Variants in STARD4 observed in about 807,000 individuals in gnomAD.
STARD4 encodes the protein stAR-related lipid transfer protein 4.
In STARD4, 33 loss-of-function variants were observed where a neutral mutation model predicts 24.9. The ratio of observed to expected loss-of-function variants is 1.32; its 90% CI spans 1.00 to 1.77. The LOEUF is 1.77. Ranked by LOEUF, STARD4 falls within the 40% of genes most tolerant of loss-of-function variation. The pLI, the probability that STARD4 is intolerant of heterozygous loss-of-function variation, is 0.00. For synonymous variants in STARD4, 88 were observed against 77.4 expected, an observed-to-expected ratio of 1.14 and a Z score of -0.72; for missense variants, 238 against 249.3, an observed-to-expected ratio of 0.95 and a Z score of 0.31.
At chr5:111,501,213 T>G (rs1280301071) in intron 4 of STARD4, 97 bp from the exon 5 acceptor site, 3 of 1,229,102 alleles carry the variant, frequency 2.4e-6, no homozygotes, top group Non-Finnish European at 3.3e-6. Context: ...TAATATTTAT[T>G]TAAAATGTTT....
At chr5:111,512,016 C>T (rs1324541379) in intron 1 of STARD4, among the ~76,000 whole-genome samples, 1 of 152,192 alleles carries the variant, frequency 6.6e-6, no homozygotes, top group Non-Finnish European at 1.5e-5. Flanking sequence ...CGGTGACCTC[C>T]AAAGAACAGG....
rs1756494479 is a variant in STARD4 at position 111,502,056 on chromosome 5, A to G, written c.188T>C (p.Val63Ala). The G allele has an allele frequency of 2.5e-6, 4 of 1,614,154 alleles. No homozygotes were observed. The highest frequency in any genetic ancestry group is 3.4e-6 in the Non-Finnish European group (4 of 1,180,006). Residue 63 changes from valine to alanine, a missense_variant, in exon 4 of 6, where the codon GTC (valine) becomes GCC (alanine). Val to Ala is a moderately conservative substitution (Grantham distance 64). Transcript: ENST00000296632. ...GCGTATATGGTCTATTATACTATAG[A>G]CAAGGTCATCTATAACACCTTGGGC... ...YKAQGVIDDLVYSIIDHIRPG... is the reference protein window; with the variant it reads ...YKAQGVIDDLAYSIIDHIRPG...
intron 1 of STARD4, among the ~76,000 whole-genome samples, chr5:111,510,321 A>G (rs1289169466): frequency 6.6e-6 from 1 of 152,200 alleles, no homozygotes; most frequent in Non-Finnish European, 1.5e-5. Context: ...CTCTCCTAAT[A>G]TAACAGGGTA....
At position 111,506,348 on chromosome 5, in the gene STARD4, T is replaced by G. The variant is rs1756861318; in HGVS notation, c.137A>C (p.Glu46Ala). Residue 46 changes from glutamate (E) to alanine (A), a missense_variant, in exon 3 of 6, where the codon GAA becomes GCA. By Grantham distance (107) the Glu-to-Ala change is moderately radical (BLOSUM62 -1). Coordinates refer to ENST00000296632, the MANE Select transcript of STARD4 (RefSeq NM_139164.3). Reference sequence around the variant, plus strand: ...TACTTACAGATATCCATTAAATTCTTCTGAGGGTTTTCTCCAAACAGTTAC... The same window carrying G: ...TACTTACAGATATCCATTAAATTCTGCTGAGGGTTTTCTCCAAACAGTTAC... ...KDVTVWRKPS[E>A]EFNGYLYKAQ... The G allele has an allele frequency of 6.6e-7, 1 of 1,505,892 alleles. No individual in the cohort carries two copies. Among genetic ancestry groups the G allele is most frequent in the African/African-American group, 1.4e-5 (1 of 71,786 alleles). 93.3% of individuals were successfully genotyped at this position (1,505,892 alleles called of 1,614,324 possible). A position where few individuals can be genotyped will look rare whatever the true frequency, so the allele number is the denominator to read the frequency against.
rs372075849 is a variant in STARD4 at position 111,497,123 on chromosome 5, C to A, written c.*2763G>T. 5.9e-5 allele frequency: 9 copies of A among 152,122 alleles called. No individual in the cohort carries two copies. The East Asian group carries it at 9.6e-4, about 16-fold the overall frequency. 9.4% of individuals were successfully genotyped at this position (152,122 alleles called of 1,614,324 possible). A position where few individuals can be genotyped will look rare whatever the true frequency, so the allele number is the denominator to read the frequency against. Reference sequence around the variant, plus strand: ...AAATATTTCCCACATACACAAGTTTCTAATACGTACTACCTACAAGCTACA... The same window carrying A: ...AAATATTTCCCACATACACAAGTTTATAATACGTACTACCTACAAGCTACA... On this transcript the variant is annotated 3_prime_UTR_variant, in exon 6 of 6. Transcript: ENST00000296632.
At chr5:111,501,499 T>C (rs968319130) in intron 4 of STARD4, among the ~76,000 whole-genome samples, 42 of 152,188 alleles carry the variant, frequency 2.8e-4, no homozygotes, top group African/African-American at 8.7e-4. Context: ...CATTAAGCAA[T>C]GAATTAATAA....
rs535692761 is a variant in STARD4 at position 111,499,506 on chromosome 5, C to A, written c.*380G>T. 5.4e-4 allele frequency: 92 copies of A among 168,944 alleles called. No homozygotes were observed. The highest frequency in any genetic ancestry group is 2.0e-3 in the African/African-American group (85 of 41,716). 10.5% of individuals were successfully genotyped at this position (168,944 alleles called of 1,614,324 possible). On this transcript the variant is annotated 3_prime_UTR_variant, in exon 6 of 6. Coordinates refer to ENST00000296632, the MANE Select transcript of STARD4 (RefSeq NM_139164.3). ...GACCAGCCTGGGCAACACAGTGTGA[C>A]CACATCTCTACAAAAAATTAAACAA...
At position 111,497,974 on chromosome 5, in the gene STARD4, C is replaced by T. The variant is rs1193800991; in HGVS notation, c.*1912G>A. 3 of 151,998 alleles carry T rather than the reference C, an allele frequency of 2.0e-5. No homozygotes were observed. The highest frequency in any genetic ancestry group is 2.4e-5 in the African/African-American group (1 of 41,398). 9.4% of individuals were successfully genotyped at this position (151,998 alleles called of 1,614,324 possible). A position where few individuals can be genotyped will look rare whatever the true frequency, so the allele number is the denominator to read the frequency against. ...AAGGAATCTTTTGGAATGATGGAAA[C>T]GTTCTAAATCCAGATTGTGCTGATG... On this transcript the variant is annotated 3_prime_UTR_variant, in exon 6 of 6. Coordinates refer to ENST00000296632, the MANE Select transcript of STARD4 (RefSeq NM_139164.3).
chr5:111,502,728 G>A (rs1260257034), intron 3 of STARD4, among the ~76,000 whole-genome samples: 1 of 151,802 alleles, frequency 6.6e-6, no homozygotes, highest in Non-Finnish European at 1.5e-5. Flanking sequence ...GGGAGGCGGA[G>A]GTTGAGGTGA....
At chr5:111,504,283 A>C (rs1443542167) in intron 3 of STARD4, among the ~76,000 whole-genome samples, 1 of 152,242 alleles carries the variant, frequency 6.6e-6, no homozygotes, top group Non-Finnish European at 1.5e-5. Flanking sequence ...CAATAGGTGA[A>C]TCTACAAACA....
chr5:111,498,759 C>A lies in STARD4; in HGVS notation c.*1127G>T, dbSNP rs1235199885. On this transcript the variant is annotated 3_prime_UTR_variant, in exon 6 of 6. Transcript: ENST00000296632. ...ATTCACCATGAACATTGTGCTGCTG[C>A]CACCTTTTGTTTTTTGAAATCTATC... 1 of 152,064 alleles carries A rather than the reference C, an allele frequency of 6.6e-6. No homozygotes were observed. Among genetic ancestry groups the A allele is most frequent in the Non-Finnish European group, 1.5e-5 (1 of 68,000 alleles). 9.4% of individuals were successfully genotyped at this position (152,064 alleles called of 1,614,324 possible).
chr5:111,496,716 T>C lies in STARD4; in HGVS notation c.*3170A>G, dbSNP rs1030337156. On this transcript the variant is annotated 3_prime_UTR_variant, in exon 6 of 6. Transcript: ENST00000296632. ...TAATTGAATTCAGCATGATTGTTGA[T>C]AAAATGCCCTTTGGTTAGAAAAGGA... 2.6e-5 allele frequency: 4 copies of C among 152,090 alleles called. No individual in the cohort carries two copies. In the East Asian group the frequency reaches 5.8e-4, roughly 22 times the overall value. 9.4% of individuals were successfully genotyped at this position (152,090 alleles called of 1,614,324 possible).
In STARD4 at chr5:111,499,950, G is replaced by A. The variant is rs566737403; in HGVS notation, c.554C>T (p.Ala185Val). ...AGTGCTTGCCATGGCTGTATCTACC[G>A]CAGACTGAGGAATCATCCCACGCAG... The part of the protein sequence containing the change: ...TDLRGMIPQS[A>V]VDTAMASTLT... The change falls in exon 6 of 6, where the codon GCG becomes GTG. Residue 185 changes from alanine to valine, a missense_variant. By Grantham distance (64) the Ala-to-Val change is moderately conservative. Coordinates refer to ENST00000296632, the MANE Select transcript of STARD4 (RefSeq NM_139164.3). 2.8e-5 allele frequency: 45 copies of A among 1,614,042 alleles called. No homozygotes were observed. The African/African-American group carries it at 2.8e-4, about 10-fold the overall frequency.
At chr5:111,511,771 T>G (rs920733324) in intron 1 of STARD4, among the ~76,000 whole-genome samples, 1 of 152,194 alleles carries the variant, frequency 6.6e-6, no homozygotes, top group Non-Finnish European at 1.5e-5. Flanking sequence ...TTGTCAAGTT[T>G]TGTCCTGGCT....
At position 111,500,613 on chromosome 5, in the gene STARD4, A is replaced by G. The variant is rs573721111; in HGVS notation, c.397+389T>C. The G allele has an allele frequency of 8.2e-5, 92 of 1,125,444 alleles. 2 individuals carry two copies. In the East Asian group the frequency reaches 5.2e-3, roughly 64 times the overall value. 69.7% of individuals were successfully genotyped at this position (1,125,444 alleles called of 1,614,324 possible). A position where few individuals can be genotyped will look rare whatever the true frequency, so the allele number is the denominator to read the frequency against. ...GGCAGTATTTTTAATCTTGAAAAGAAAAATACAACACAGCTCAAGGAAGGA... is the reference window on the plus strand; with the variant it reads ...GGCAGTATTTTTAATCTTGAAAAGAGAAATACAACACAGCTCAAGGAAGGA... On this transcript the variant is annotated intron_variant, in intron 5 of 5. Coordinates refer to ENST00000296632, the MANE Select transcript of STARD4 (RefSeq NM_139164.3).
intron 3 of STARD4, chr5:111,505,083 G>A (rs1418815044): frequency 2.2e-6 from 1 of 447,990 alleles, no homozygotes; most frequent in Non-Finnish European, 4.4e-6. Flanking sequence ...ATGTGTTTAT[G>A]CAGTAGATAT....
rs1756108442 is a variant in STARD4 at position 111,496,588 on chromosome 5, C to T, written c.*3298G>A. 2 of 152,140 alleles carry T rather than the reference C, an allele frequency of 1.3e-5. No individual in the cohort carries two copies. Among genetic ancestry groups the T allele is most frequent in the Admixed American group, 1.3e-4 (2 of 15,266 alleles). 9.4% of individuals were successfully genotyped at this position (152,140 alleles called of 1,614,324 possible). A position where few individuals can be genotyped will look rare whatever the true frequency, so the allele number is the denominator to read the frequency against. ...TTTATTTGTATGAAAGGCAATTACTCAGCCCTAAAAGCTCAACAGACAATT... is the reference window on the plus strand; with the variant it reads ...TTTATTTGTATGAAAGGCAATTACTTAGCCCTAAAAGCTCAACAGACAATT... On this transcript the variant is annotated 3_prime_UTR_variant, in exon 6 of 6. Transcript: ENST00000296632.
rs1179582496 is a variant in STARD4, at chr5:111,501,098, A to G, written c.301T>C (p.Tyr101His). 1 of 1,603,722 alleles carries G rather than the reference A, an allele frequency of 6.2e-7. No homozygotes were observed. The highest frequency in any genetic ancestry group is 1.1e-5 in the South Asian group (1 of 88,954). ...NFEENCCVMR[Y>H]TTAGQLWNII... ...TTCCAAAGCTGACCAGCAGTAGTGT[A>G]ACGCATCACACAGCAATTCTGAAAA... The change falls in exon 5 of 6, where the codon TAC (tyrosine) becomes CAC (histidine). Residue 101 changes from tyrosine (Y) to histidine (H), a missense_variant. Coordinates refer to ENST00000296632, the MANE Select transcript of STARD4 (RefSeq NM_139164.3).
Position 111,499,003 on chromosome 5 carries a change from C to G in STARD4, c.*883G>C, listed in dbSNP as rs1580840929. 1 of 152,048 alleles carries G rather than the reference C, an allele frequency of 6.6e-6. No homozygotes were observed. The highest frequency in any genetic ancestry group is 2.1e-4 in the South Asian group (1 of 4,794). 9.4% of individuals were successfully genotyped at this position (152,048 alleles called of 1,614,324 possible). On this transcript the variant is annotated 3_prime_UTR_variant, in exon 6 of 6. Transcript: ENST00000296632. ...CATGTATTTCAGGGCTCACTTTACC[C>G]ATATTAACAACAACAAAACAGTAGA...
Sources: allele counts gnomAD v4.1 joint callset (sites outside exome capture counted in the v4.1 genomes callset), GRCh38; gene constraint gnomAD v4.1.1; transcripts MANE v1.5; gene names NCBI Gene and HGNC (gene_info 2026-07-23, HGNC 2026-07-21).